LRRC4C: variants seen among roughly 807,000 people sequenced by gnomAD.
LRRC4C encodes leucine-rich repeat-containing protein 4C.
In LRRC4C, 5 loss-of-function variants were observed where a neutral mutation model predicts 33.6. The observed-to-expected ratio is 0.15, with a 90% CI of 0.08 to 0.31. The LOEUF (loss-of-function observed/expected upper bound fraction) is 0.31. LRRC4C is among the 10% of genes least tolerant of loss of function. The pLI is 1.00. For missense variants in LRRC4C, 560 were observed against 796.7 expected (o/e 0.70, Z 3.58); for synonymous variants, 329 against 302.0 (o/e 1.09, Z -0.93).
intron 1 of LRRC4C, among the ~76,000 whole-genome samples, chr11:41,306,042 A>G (rs1300653663): frequency 6.7e-6 from 1 of 148,256 alleles, no homozygotes; most frequent in African/African-American, 2.5e-5. Context: ...AAAAAAAAAG[A>G]AAGAAAAATA....
intron 3 of LRRC4C, among the ~76,000 whole-genome samples, chr11:40,634,867 G>A (rs1290691846): frequency 6.6e-6 from 1 of 151,942 alleles, no homozygotes; most frequent in Admixed American, 6.6e-5. Flanking sequence ...TCCTGACTGG[G>A]CAACAGAGCA....
intron 3 of LRRC4C, among the ~76,000 whole-genome samples, chr11:40,326,412 A>T (rs746541342): frequency 2.6e-4 from 40 of 152,044 alleles, no homozygotes; most frequent in Non-Finnish European, 5.3e-4. Context: ...AAATACAAAA[A>T]TTAGCTGGGC....
chr11:41,355,429 A>G (rs1313282249), intron 1 of LRRC4C, among the ~76,000 whole-genome samples: 1 of 152,120 alleles, frequency 6.6e-6, no homozygotes, highest in East Asian at 1.9e-4. Context: ...CAAAGGTAGT[A>G]GTTTCCCACC....
chr11:41,397,525 G>A (rs1183270203), intron 1 of LRRC4C, among the ~76,000 whole-genome samples: 1 of 151,468 alleles, frequency 6.6e-6, no homozygotes, highest in Non-Finnish European at 1.5e-5. Context: ...TCAACTGTTG[G>A]GTGTTATTGA....
intron 1 of LRRC4C, among the ~76,000 whole-genome samples, chr11:41,220,180 G>C (rs1275255362): frequency 6.6e-6 from 1 of 152,046 alleles, no homozygotes; most frequent in African/African-American, 2.4e-5. Flanking sequence ...TTTCTTGAGA[G>C]CTTACTTTGT....
At chr11:40,565,353 T>C (rs1364724186) in intron 3 of LRRC4C, among the ~76,000 whole-genome samples, 3 of 152,176 alleles carry the variant, frequency 2.0e-5, no homozygotes, top group East Asian at 1.9e-4. Flanking sequence ...CAACCATTAG[T>C]TGACAGCCAC....
chr11:41,232,218 A>G (rs1947834327), intron 1 of LRRC4C, among the ~76,000 whole-genome samples: 1 of 152,004 alleles, frequency 6.6e-6, no homozygotes, highest in South Asian at 2.1e-4. Context: ...TGTAATCTTA[A>G]TTCCATTGAT....
chr11:40,425,570 G>A (rs1011306586), intron 3 of LRRC4C, among the ~76,000 whole-genome samples: 26 of 152,286 alleles, frequency 1.7e-4, no homozygotes, highest in South Asian at 6.2e-4. Context: ...AGTTCCACAA[G>A]CACAGACTAC....
Position 40,114,525 on chromosome 11 carries a change from T to G in LRRC4C, c.1768A>C (p.Ile590Leu). 1 of 1,614,160 alleles carries G rather than the reference T, an allele frequency of 6.2e-7. No homozygotes were observed. The highest frequency in any genetic ancestry group is 1.7e-5 in the Admixed American group (1 of 60,022). Residue 590 changes from isoleucine (I) to leucine (L), a missense_variant, in exon 7 of 7, where the codon ATC (isoleucine) becomes CTC (leucine). Ile to Leu is a conservative substitution (Grantham distance 5). Coordinates refer to ENST00000528697, the MANE Select transcript of LRRC4C (RefSeq NM_001258419.2). The part of the protein sequence containing the change: ...PMESHLPMPA[I>L]EHEHLNHYNS... ...TAGTGATTTAGGTGCTCATGCTCGA[T>G]AGCAGGCATGGGCAGGTGGCTTTCC... is the stretch of plus-strand genomic sequence containing the variant.
At chr11:40,230,959 AT>A (rs1865154903) in intron 5 of LRRC4C, among the ~76,000 whole-genome samples, 1 of 152,162 alleles carries the variant, frequency 6.6e-6, no homozygotes, top group Admixed American at 6.5e-5. Context: ...TATTGCAGTT[AT>A]TTGCTTTCAT....
intron 1 of LRRC4C, among the ~76,000 whole-genome samples, chr11:41,379,305 C>T (rs1402476408): frequency 1.3e-5 from 2 of 152,076 alleles, no homozygotes; most frequent in African/African-American, 4.8e-5. Flanking sequence ...AAGCACCCTC[C>T]CATCACCATG....
chr11:40,763,943 A>G (rs1949339474), intron 2 of LRRC4C, among the ~76,000 whole-genome samples: 1 of 152,168 alleles, frequency 6.6e-6, no homozygotes, highest in Non-Finnish European at 1.5e-5. Flanking sequence ...AGCCAGTGGA[A>G]TTGCAGTGCA....
intron 1 of LRRC4C, among the ~76,000 whole-genome samples, chr11:41,178,113 T>G (rs1291286980): frequency 6.6e-6 from 1 of 152,202 alleles, no homozygotes; most frequent in African/African-American, 2.4e-5. Context: ...TGGAAACCAG[T>G]TACCATATGT....
At chr11:41,231,201 T>C (rs1434912988) in intron 1 of LRRC4C, among the ~76,000 whole-genome samples, 2 of 152,144 alleles carry the variant, frequency 1.3e-5, no homozygotes, top group Non-Finnish European at 2.9e-5. Flanking sequence ...TGGAAGTCAG[T>C]GTGGTGATTC....
At chr11:40,584,686 C>G (rs1022308740) in intron 3 of LRRC4C, among the ~76,000 whole-genome samples, 4 of 151,996 alleles carry the variant, frequency 2.6e-5, no homozygotes, top group Middle Eastern at 3.2e-3. Context: ...AATCCCAGAA[C>G]TTTTGGAGGC....
At chr11:41,348,541 G>A (rs1046161081) in intron 1 of LRRC4C, among the ~76,000 whole-genome samples, 3 of 151,498 alleles carry the variant, frequency 2.0e-5, no homozygotes, top group Admixed American at 6.6e-5. Context: ...TGTTGCCCTC[G>A]GGCGTGAAGC....
chr11:41,032,217 G>A (rs1856768363), intron 1 of LRRC4C, among the ~76,000 whole-genome samples: 1 of 152,072 alleles, frequency 6.6e-6, no homozygotes, highest in Non-Finnish European at 1.5e-5. Context: ...ACCCCCTGAT[G>A]GGGTAGCCTG....
At chr11:41,219,867 T>C (rs1010848274) in intron 1 of LRRC4C, among the ~76,000 whole-genome samples, 9 of 152,200 alleles carry the variant, frequency 5.9e-5, no homozygotes, top group Admixed American at 5.2e-4. Flanking sequence ...TTAAAAATAC[T>C]ACAAAGGAAG....
At chr11:41,393,713 C>T (rs1351994794) in intron 1 of LRRC4C, among the ~76,000 whole-genome samples, 1 of 151,904 alleles carries the variant, frequency 6.6e-6, no homozygotes, top group Non-Finnish European at 1.5e-5. Flanking sequence ...TGAGGACTTG[C>T]CAAAATCTGT....
Sources: gnomAD v4.1 joint callset for allele counts (sites outside exome capture counted in the v4.1 genomes callset) on GRCh38, gnomAD v4.1.1 for gene constraint, MANE v1.5 for transcripts, NCBI Gene and HGNC (gene_info 2026-07-23, HGNC 2026-07-21) for gene names.